TFAP2E: variants seen among roughly 807,000 people sequenced by gnomAD.
The protein encoded by TFAP2E is transcription factor AP-2 epsilon, also known as transcription factor AP-2-epsilon.
TFAP2E carries 30 observed loss-of-function variants against 37.9 expected under a neutral mutation model. That is an observed-to-expected ratio of 0.79 (90% CI 0.59 to 1.07). TFAP2E has a LOEUF of 1.07. Ranked by LOEUF, TFAP2E falls within the 50% of genes least tolerant of loss-of-function variation. The pLI, the probability that TFAP2E is intolerant of heterozygous loss-of-function variation, is 0.00. For synonymous variants in TFAP2E, 318 were observed against 295.8 expected (o/e 1.08, Z -0.77); for missense variants, 567 against 637.9 (o/e 0.89, Z 1.20).
chr1:35,579,610 G>A (rs1435050341), intron 3 of TFAP2E, among the ~76,000 whole-genome samples: 2 of 151,846 alleles, frequency 1.3e-5, no homozygotes, highest in Non-Finnish European at 2.9e-5. Flanking sequence ...GGCCAGGCTG[G>A]TCTTGAACTC....
chr1:35,594,391 C>G lies in TFAP2E; in HGVS notation c.1047-3C>G. ...CAACCTCTGACCCTCCTTCTCGCAC[C>G]AGGCAGATCTGCAAGGAGTTTGCAG... is the stretch of plus-strand genomic sequence containing the variant. On this transcript the variant is annotated splice_region_variant and splice_polypyrimidine_tract_variant and intron_variant, in intron 6 of 6. Transcript: ENST00000373235. 6.2e-7 allele frequency: 1 copy of G among 1,611,304 alleles called. No individual in the cohort carries two copies. Among genetic ancestry groups the G allele is most frequent in the Non-Finnish European group, 8.5e-7 (1 of 1,179,396 alleles).
intron 3 of TFAP2E, among the ~76,000 whole-genome samples, chr1:35,586,406 G>C (rs765827522): frequency 6.6e-6 from 1 of 152,200 alleles, no homozygotes; most frequent in Non-Finnish European, 1.5e-5. Context: ...TTGATTCTCA[G>C]GGAACTGACC....
rs533911233 is a variant in TFAP2E, at chr1:35,577,669, G to C, written c.562+2669G>C. ...CGGCCTTCGCATCGCTGCGGTGGGC[G>C]TTCTCGGGCTTCGACTTCGCCAGCG... On this transcript the variant is annotated intron_variant, in intron 3 of 6. Coordinates refer to ENST00000373235, the MANE Select transcript of TFAP2E (RefSeq NM_178548.4). The surrounding 1 kb of genome is among the most constrained non-coding windows in gnomAD (Gnocchi z 6.3). 9 of 306,976 alleles carry C rather than the reference G, an allele frequency of 2.9e-5. No homozygotes were observed. In the East Asian group the frequency reaches 8.2e-4, roughly 28 times the overall value. The allele number at this position is 306,976 out of a possible 1,614,324, so 19.0% of individuals were successfully genotyped here.
rs974370074 is a variant in TFAP2E at position 35,588,232 on chromosome 1, G to A, written c.563-98G>A. 29 of 1,250,276 alleles carry A rather than the reference G, an allele frequency of 2.3e-5. No individual in the cohort carries two copies. The African/African-American group carries it at 4.2e-4, about 18-fold the overall frequency. 77.4% of individuals were successfully genotyped at this position (1,250,276 alleles called of 1,614,324 possible). A position where few individuals can be genotyped will look rare whatever the true frequency, so the allele number is the denominator to read the frequency against. On this transcript the variant is annotated intron_variant, in intron 3 of 6. Coordinates refer to ENST00000373235, the MANE Select transcript of TFAP2E (RefSeq NM_178548.4). This position sits in a 1 kb window ranked among gnomAD's most constrained non-coding sequence, Gnocchi z 5.1. ...GGCGAGTCACTTTCACCTCACTGTGGCTCAGTTTCTCCCTTCATAAAGCAA... is the reference window on the plus strand; with the variant it reads ...GGCGAGTCACTTTCACCTCACTGTGACTCAGTTTCTCCCTTCATAAAGCAA...
intron 3 of TFAP2E, among the ~76,000 whole-genome samples, 191 bp downstream of exon 3, chr1:35,575,191 G>GGGT (rs1259630649): frequency 2.0e-5 from 3 of 152,238 alleles, no homozygotes; most frequent in Non-Finnish European, 2.9e-5. Context: ...CTGTGGCCTG[G>GGGT]GGTGGGCCTC....
Position 35,590,938 on chromosome 1 carries a change from CACT to C in TFAP2E, c.1046+164_1046+166del, listed in dbSNP as rs1042189156. On this transcript the variant is annotated intron_variant, in intron 6 of 6. Transcript: ENST00000373235. The surrounding 1 kb of genome is among the most constrained non-coding windows in gnomAD (Gnocchi z 6.2). ...TGGGCACACACACATACGTGCGCAC[CACT>C]GTGTACATCAGCAGTGAGCACACAC... Among the ~76,000 whole-genome samples the C allele has an allele frequency of 2.0e-5, 3 of 152,218 alleles. No individual in the cohort carries two copies. The highest frequency in any genetic ancestry group is 2.1e-4 in the South Asian group (1 of 4,828).
Position 35,594,441 on chromosome 1 carries a change from C to G in TFAP2E, c.1094C>G (p.Pro365Arg), listed in dbSNP as rs540842365. The G allele has an allele frequency of 6.2e-7, 1 of 1,614,116 alleles. No homozygotes were observed. Among genetic ancestry groups the G allele is most frequent in the Non-Finnish European group, 8.5e-7 (1 of 1,180,026 alleles). The change falls in exon 7 of 7, where the codon CCG becomes CGG. Residue 365 changes from proline to arginine, a missense_variant. Physicochemically the swap from Pro to Arg is moderately radical, Grantham distance 103. Transcript: ENST00000373235. Reference protein sequence around the residue: ...FADLMAQDRSPLGNSRPALIL... With the variant: ...FADLMAQDRSRLGNSRPALIL... ...GACTTGATGGCTCAGGACCGCTCAC[C>G]GCTGGGCAACAGCCGCCCAGCACTC...
intron 6 of TFAP2E, among the ~76,000 whole-genome samples, chr1:35,592,904 C>T (rs1225897074): frequency 1.3e-5 from 2 of 152,186 alleles, no homozygotes; most frequent in Admixed American, 6.5e-5. Flanking sequence ...ATGACCTAAT[C>T]ACCTCCCAAA....
Position 35,589,978 on chromosome 1 carries a change from G to A in TFAP2E, c.834G>A (p.Lys278=). Residue 278 remains lysine (K), a synonymous_variant, in exon 5 of 7, where the codon AAG becomes AAA. Transcript: ENST00000373235. ...GGTGTTTGCGGGAACGGTTAGAGAA[G>A]ATTGGGCTCAACCTGCCAGCTGGCC... ...GGRCLRERLE[K]IGLNLPAGRR... is the part of the protein sequence containing the mutation. 6.2e-7 allele frequency: 1 copy of A among 1,614,158 alleles called. No individual in the cohort carries two copies. Among genetic ancestry groups the A allele is most frequent in the Non-Finnish European group, 8.5e-7 (1 of 1,180,000 alleles).
chr1:35,581,973 T>G (rs565260770), intron 3 of TFAP2E, among the ~76,000 whole-genome samples: 40 of 152,180 alleles, frequency 2.6e-4, no homozygotes, highest in Admixed American at 1.3e-3. Flanking sequence ...CCTCCTGGGT[T>G]CAAGCAATTC....
chr1:35,594,101 GT>G (rs1649761092), intron 6 of TFAP2E, among the ~76,000 whole-genome samples: 1 of 152,132 alleles, frequency 6.6e-6, no homozygotes, highest in African/African-American at 2.4e-5. Context: ...CCTATATAAG[GT>G]AGTAAGTAGC....
At chr1:35,587,224 C>T (rs1310913538) in intron 3 of TFAP2E, among the ~76,000 whole-genome samples, 3 of 152,308 alleles carry the variant, frequency 2.0e-5, no homozygotes, top group East Asian at 1.9e-4. Flanking sequence ...CAAAGGGTTC[C>T]GCTAAAGAAG....
Position 35,590,631 on chromosome 1 carries a change from C to G in TFAP2E, c.905-3C>G, listed in dbSNP as rs749041092. The G allele has an allele frequency of 3.4e-6, 5 of 1,484,698 alleles. No homozygotes were observed. Among genetic ancestry groups the G allele is most frequent in the South Asian group, 2.8e-5 (2 of 71,574 alleles). The allele number at this position is 1,484,698 out of a possible 1,614,324, so 92.0% of individuals were successfully genotyped here. A position where few individuals can be genotyped will look rare whatever the true frequency, so the allele number is the denominator to read the frequency against. On this transcript the variant is annotated splice_polypyrimidine_tract_variant and splice_region_variant and intron_variant, in intron 5 of 6. Coordinates refer to ENST00000373235, the MANE Select transcript of TFAP2E (RefSeq NM_178548.4). The surrounding 1 kb of genome is among the most constrained non-coding windows in gnomAD (Gnocchi z 6.2). ...GCAGTAGTGACAGCTCCCCTCCCCCCAGGAGAGGCCGTGCACCTGGCCCGA... is the reference window on the plus strand; with the variant it reads ...GCAGTAGTGACAGCTCCCCTCCCCCGAGGAGAGGCCGTGCACCTGGCCCGA...
intron 3 of TFAP2E, among the ~76,000 whole-genome samples, chr1:35,575,249 C>T (rs748245846): frequency 1.4e-4 from 22 of 152,228 alleles, no homozygotes; most frequent in Non-Finnish European, 2.1e-4. Flanking sequence ...CTGGCCTCTC[C>T]CCGCCGAGGG....
In TFAP2E at chr1:35,591,992, G is replaced by T. The variant is rs1056562608; in HGVS notation, c.1046+1217G>T. Among the ~76,000 whole-genome samples the T allele has an allele frequency of 1.4e-3, 210 of 152,204 alleles. 1 individual carries two copies. Among genetic ancestry groups the T allele is most frequent in the Middle Eastern group, 6.8e-3 (2 of 294 alleles). Reference sequence around the variant, plus strand: ...TGTGAACCACCACTCCCGGCCCCAAGATTTAGTTTTTCAGGCCAGGCAAGG... The same window carrying T: ...TGTGAACCACCACTCCCGGCCCCAATATTTAGTTTTTCAGGCCAGGCAAGG... On this transcript the variant is annotated intron_variant, in intron 6 of 6. Coordinates refer to ENST00000373235, the MANE Select transcript of TFAP2E (RefSeq NM_178548.4).
chr1:35,588,534 T>TG lies in TFAP2E; in HGVS notation c.773dup (p.Val259CysfsTer58), dbSNP rs779751136. On this transcript the variant is annotated frameshift_variant, in exon 4 of 7. Transcript: ENST00000373235. LOFTEE classifies it high-confidence loss of function. This position sits in a 1 kb window ranked among gnomAD's most constrained non-coding sequence, Gnocchi z 5.1. ...CCCGAGTGCCTCAACGCCTCCCTCCTGGGGGGTGTCCTCCGCAGGTAGGAA... is the reference window on the plus strand; with the variant it reads ...CCCGAGTGCCTCAACGCCTCCCTCCTGGGGGGGTGTCCTCCGCAGGTAGGAA... The TG allele has an allele frequency of 3.8e-6, 6 of 1,590,994 alleles. No homozygotes were observed. Among genetic ancestry groups the TG allele is most frequent in the Non-Finnish European group, 4.3e-6 (5 of 1,167,164 alleles).
chr1:35,577,996 A>G lies in TFAP2E; in HGVS notation c.562+2996A>G, dbSNP rs1649232400. ...GGTGGGGAGACGGAGCTTAACAGGA[A>G]TATTTTCCAGCAGTGAGCAGGGGCT... On this transcript the variant is annotated intron_variant, in intron 3 of 6. Transcript: ENST00000373235. This position sits in a 1 kb window ranked among gnomAD's most constrained non-coding sequence, Gnocchi z 6.3. Among the ~76,000 whole-genome samples the G allele has an allele frequency of 6.6e-6, 1 of 152,148 alleles. No individual in the cohort carries two copies. Among genetic ancestry groups the G allele is most frequent in the South Asian group, 2.1e-4 (1 of 4,828 alleles).
chr1:35,584,238 T>C (rs115143703), intron 3 of TFAP2E, among the ~76,000 whole-genome samples: 1,935 of 152,290 alleles, frequency 0.013, 49 homozygotes, highest in African/African-American at 0.045. Flanking sequence ...GCTGGGACTA[T>C]GGGCACATGC....
chr1:35,591,411 C>T (rs1272352100), intron 6 of TFAP2E, among the ~76,000 whole-genome samples: 6 of 152,158 alleles, frequency 3.9e-5, no homozygotes, highest in Admixed American at 2.0e-4. Context: ...ACCCTCTGCT[C>T]CAGTGACGTC....
Sources: allele counts gnomAD v4.1 joint callset (sites outside exome capture counted in the v4.1 genomes callset), GRCh38; gene constraint gnomAD v4.1.1; non-coding constraint Gnocchi (gnomAD v3.1); transcripts MANE v1.5; gene names NCBI Gene and HGNC (gene_info 2026-07-23, HGNC 2026-07-21).